Variants in CRTAC1 observed in about 807,000 individuals in gnomAD.
CRTAC1 encodes cartilage acidic protein 1, also known as acidic secreted protein in cartilage.
Under a neutral mutation model 67.8 loss-of-function variants are expected in CRTAC1, and 37 were observed. The observed-to-expected ratio is 0.55, with a 90% confidence interval of 0.42 to 0.72. The LOEUF is 0.72. Ranked by LOEUF, CRTAC1 falls within the 30% of genes least tolerant of loss-of-function variation. The pLI, the probability that CRTAC1 is intolerant of heterozygous loss-of-function variation, is 0.00. For synonymous variants in CRTAC1, 348 were observed against 371.0 expected (o/e 0.94, Z 0.71); for missense variants, 780 against 931.6 (o/e 0.84, Z 2.12).
intron 11 of CRTAC1, among the ~76,000 whole-genome samples, chr10:97,889,695 C>T (rs557458873): frequency 6.6e-6 from 1 of 152,278 alleles, no homozygotes; most frequent in South Asian, 2.1e-4. Context: ...CGTGTACACA[C>T]TCACATACAT....
intron 2 of CRTAC1, among the ~76,000 whole-genome samples, chr10:97,994,901 A>G (rs893555581): frequency 2.0e-5 from 3 of 152,194 alleles, no homozygotes; most frequent in African/African-American, 4.8e-5. Context: ...CTGTGTGAGG[A>G]GCTCTGGAAT....
At chr10:97,906,037 C>A (rs2050606874) in intron 6 of CRTAC1, among the ~76,000 whole-genome samples, 1 of 152,206 alleles carries the variant, frequency 6.6e-6, no homozygotes, top group Non-Finnish European at 1.5e-5. Flanking sequence ...TCTGGGATGG[C>A]AGACCACAGG....
chr10:97,926,804 C>T lies in CRTAC1; in HGVS notation c.422-3404G>A, dbSNP rs367830415. 8.5e-5 allele frequency among the ~76,000 whole-genome samples: 13 copies of T among 152,286 alleles called. No individual in the cohort carries two copies. In the East Asian group the frequency reaches 1.4e-3, roughly 16 times the overall value. On this transcript the variant is annotated intron_variant, in intron 3 of 14. Transcript: ENST00000370597. ...TCTCGAGAAGGGACTTGGACTTAGG[C>T]CGCCATCATCATGGCTGTCCTGGAG...
At chr10:97,887,542 C>T (rs1009845692) in intron 11 of CRTAC1, among the ~76,000 whole-genome samples, 4 of 152,326 alleles carry the variant, frequency 2.6e-5, no homozygotes, top group Admixed American at 1.3e-4. Context: ...CCACCACCAG[C>T]GGGACTTAGT....
In CRTAC1 at chr10:98,029,971, C is replaced by T. The variant is rs11189470; in HGVS notation, c.24+478G>A. Among the ~76,000 whole-genome samples, 1,871 of 152,226 alleles carry T rather than the reference C, an allele frequency of 0.012. 39 individuals are homozygous for T. Among genetic ancestry groups the T allele is most frequent in the African/African-American group, 0.037 (1,534 of 41,546 alleles). On this transcript the variant is annotated intron_variant, in intron 1 of 14. Coordinates refer to ENST00000370597, the MANE Select transcript of CRTAC1 (RefSeq NM_018058.7). The surrounding 1 kb of genome is among the most constrained non-coding windows in gnomAD (Gnocchi z 4.7). ...GCTTCCCAGGGGAGGAAGAGCCAGC[C>T]CGCGGGGCTCTTCCCCAGCCTGGAA...
At chr10:97,934,960 C>G (rs143704479) in intron 3 of CRTAC1, among the ~76,000 whole-genome samples, 17,858 of 48,074 alleles carry the variant, frequency 0.37, 1,166 homozygotes, top group South Asian at 0.39. Flanking sequence ...GTGGAGGGGG[C>G]GTGGGTGGGG....
At chr10:97,972,791 C>T (rs138877840) in intron 2 of CRTAC1, among the ~76,000 whole-genome samples, 80 of 152,260 alleles carry the variant, frequency 5.3e-4, no homozygotes, top group African/African-American at 1.9e-3. Flanking sequence ...TGGCATAATA[C>T]TGAGTCAAGA....
chr10:97,919,721 T>C (rs1273694646), intron 4 of CRTAC1, among the ~76,000 whole-genome samples: 1 of 150,742 alleles, frequency 6.6e-6, no homozygotes, highest in Non-Finnish European at 1.5e-5. Flanking sequence ...AACCGCCATG[T>C]GATTCCTGTG....
chr10:97,885,113 AG>A (rs1378840657), intron 11 of CRTAC1, among the ~76,000 whole-genome samples: 1 of 152,230 alleles, frequency 6.6e-6, no homozygotes, highest in East Asian at 1.9e-4. Flanking sequence ...CAAGTAGGTA[AG>A]GAGGAGCTGG....
intron 1 of CRTAC1, among the ~76,000 whole-genome samples, chr10:98,023,397 T>C (rs531100489): frequency 6.6e-6 from 1 of 152,280 alleles, no homozygotes; most frequent in East Asian, 1.9e-4. Context: ...ATTCACTTAC[T>C]CATTTGTGCA....
chr10:97,881,481 A>G (rs1228262156), intron 13 of CRTAC1, among the ~76,000 whole-genome samples: 1 of 152,186 alleles, frequency 6.6e-6, no homozygotes, highest in Non-Finnish European at 1.5e-5. Flanking sequence ...TCATGCGTTC[A>G]GGGTCTGTCT....
intron 7 of CRTAC1, among the ~76,000 whole-genome samples, chr10:97,903,184 T>G (rs934644585): frequency 2.0e-5 from 3 of 149,246 alleles, no homozygotes; most frequent in African/African-American, 7.5e-5. Flanking sequence ...TCACCCTCAG[T>G]GCGTTGGCGT....
intron 2 of CRTAC1, among the ~76,000 whole-genome samples, chr10:97,938,235 G>A (rs2051120372): frequency 1.3e-5 from 2 of 152,306 alleles, no homozygotes; most frequent in South Asian, 2.1e-4. Flanking sequence ...AGGAGAGACA[G>A]GTACTTGGGT....
intron 8 of CRTAC1, among the ~76,000 whole-genome samples, chr10:97,901,020 C>T (rs920723690): frequency 7.4e-6 from 1 of 134,432 alleles, no homozygotes; most frequent in Non-Finnish European, 1.6e-5. Context: ...TGATTGGAGC[C>T]CGTAGCCCCT....
At chr10:97,976,561 G>A (rs1440070335) in intron 2 of CRTAC1, among the ~76,000 whole-genome samples, 4 of 152,214 alleles carry the variant, frequency 2.6e-5, no homozygotes, top group Admixed American at 2.6e-4. Flanking sequence ...CGGATACATG[G>A]AAAGACCTTA....
chr10:97,947,103 T>C (rs1445901943), intron 2 of CRTAC1, among the ~76,000 whole-genome samples: 1 of 152,216 alleles, frequency 6.6e-6, no homozygotes, highest in Non-Finnish European at 1.5e-5. Flanking sequence ...GGTAGGCCAA[T>C]TTAGGGACAG....
chr10:97,901,338 C>T (rs923643463), intron 8 of CRTAC1, among the ~76,000 whole-genome samples, 165 bp downstream of exon 8: 21 of 152,222 alleles, frequency 1.4e-4, no homozygotes, highest in African/African-American at 4.6e-4. Context: ...GCCCAGTCCT[C>T]GTCCTTCCTT....
chr10:97,881,933 G>GC (rs1188413234), intron 13 of CRTAC1, among the ~76,000 whole-genome samples: 2 of 152,038 alleles, frequency 1.3e-5, no homozygotes, highest in Non-Finnish European at 2.9e-5. Flanking sequence ...CTGGTTTAGG[G>GC]CCCCTGCTTT....
intron 1 of CRTAC1, among the ~76,000 whole-genome samples, chr10:98,025,453 T>A (rs569008702): frequency 9.2e-5 from 14 of 152,250 alleles, no homozygotes; most frequent in African/African-American, 3.1e-4. Context: ...AAGGTAAAAA[T>A]CATGAGTGGT....
Sources: allele counts gnomAD v4.1 joint callset (sites outside exome capture counted in the v4.1 genomes callset), GRCh38; gene constraint gnomAD v4.1.1; non-coding constraint Gnocchi (gnomAD v3.1); transcripts MANE v1.5; gene names NCBI Gene and HGNC (gene_info 2026-07-23, HGNC 2026-07-21).